Variants in TRIO observed in about 807,000 individuals in gnomAD.
The protein encoded by TRIO is trio Rho guanine nucleotide exchange factor.
In TRIO, 58 loss-of-function variants were observed where a neutral mutation model predicts 351.9. The observed-to-expected ratio is 0.16, with a 90% confidence interval of 0.13 to 0.21. The LOEUF is 0.21. TRIO is among the 10% of genes least tolerant of loss of function. TRIO has a pLI of 1.00. For synonymous variants in TRIO, 1,758 were observed against 1,595.7 expected, an observed-to-expected ratio of 1.10 and a Z score of -2.42; for missense variants, 3,201 against 4,027.8, an observed-to-expected ratio of 0.79 and a Z score of 5.56.
intron 44 of TRIO, 95 bp downstream of exon 44, chr5:14,481,379 G>C (rs1755500744): frequency 6.5e-7 from 1 of 1,539,758 alleles, no homozygotes; most frequent in African/African-American, 1.4e-5. Flanking sequence ...CCTGGGAGGG[G>C]GTCAAAGCAG....
chr5:14,317,939 C>T (rs565852575), intron 9 of TRIO, among the ~76,000 whole-genome samples: 1 of 152,200 alleles, frequency 6.6e-6, no homozygotes, highest in South Asian at 2.1e-4. Flanking sequence ...CGAGCCTGCC[C>T]AACATGGTGA....
intron 11 of TRIO, among the ~76,000 whole-genome samples, chr5:14,350,283 CTG>C (rs1158237204): frequency 7.2e-5 from 11 of 152,206 alleles, no homozygotes; most frequent in African/African-American, 2.2e-4. Flanking sequence ...CAGTGAGAGA[CTG>C]TGGCTGCTCT....
chr5:14,448,480 C>T (rs1053952342), intron 34 of TRIO, among the ~76,000 whole-genome samples: 1 of 152,252 alleles, frequency 6.6e-6, no homozygotes, highest in Admixed American at 6.5e-5. Context: ...TGCAGGGAAC[C>T]GGATCTCCCC....
chr5:14,149,248 CAAAG>C (rs1487877739), intron 1 of TRIO, among the ~76,000 whole-genome samples: 1 of 152,166 alleles, frequency 6.6e-6, no homozygotes, highest in Non-Finnish European at 1.5e-5. Flanking sequence ...TCGTAAATCT[CAAAG>C]AGAGATACCT....
rs866582262 is a variant in TRIO at position 14,382,431 on chromosome 5, C to T, written c.3570+1179C>T. On this transcript the variant is annotated intron_variant, in intron 21 of 56. Coordinates refer to ENST00000344204, the MANE Select transcript of TRIO (RefSeq NM_007118.4). Reference sequence around the variant, plus strand: ...AGGTGCTGGGCTCTCTCCTTTTCCACGGCTCCTATCCTGGAGGCTCACACA... The same window carrying T: ...AGGTGCTGGGCTCTCTCCTTTTCCATGGCTCCTATCCTGGAGGCTCACACA... Among the ~76,000 whole-genome samples, 5 of 152,328 alleles carry T rather than the reference C, an allele frequency of 3.3e-5. No homozygotes were observed. The East Asian group carries it at 9.6e-4, about 29-fold the overall frequency.
At chr5:14,314,420 A>C (rs142468421) in intron 8 of TRIO, among the ~76,000 whole-genome samples, 1 of 152,204 alleles carries the variant, frequency 6.6e-6, no homozygotes, top group African/African-American at 2.4e-5. Flanking sequence ...AGCAACTACA[A>C]CTGTAGCCTG....
chr5:14,458,892 C>T (rs557148236), intron 34 of TRIO, among the ~76,000 whole-genome samples: 1 of 152,184 alleles, frequency 6.6e-6, no homozygotes, highest in South Asian at 2.1e-4. Context: ...CCAGACCACA[C>T]CGAAGGAAAG....
At chr5:14,169,635 GTT>G (rs1447232564) in intron 1 of TRIO, among the ~76,000 whole-genome samples, 2 of 152,166 alleles carry the variant, frequency 1.3e-5, no homozygotes, top group Non-Finnish European at 2.9e-5. Flanking sequence ...AGTATAACTT[GTT>G]CACCCTTACT....
chr5:14,178,579 C>T (rs561553615), intron 1 of TRIO, among the ~76,000 whole-genome samples: 1 of 152,150 alleles, frequency 6.6e-6, no homozygotes, highest in Non-Finnish European at 1.5e-5. Context: ...TATTCTAGAA[C>T]AGTAGGGGTA....
rs1431966105 is a variant in TRIO, at chr5:14,209,761, G to GA, written c.158-61058dup. Reference sequence around the variant, plus strand: ...ATGCTTTAAAATGTACTCTAAGAAAGAAAAAACATTCAACAAAATTGACAG... The same window carrying GA: ...ATGCTTTAAAATGTACTCTAAGAAAGAAAAAAACATTCAACAAAATTGACAG... On this transcript the variant is annotated intron_variant, in intron 1 of 56. Transcript: ENST00000344204. Among the ~76,000 whole-genome samples, 12 of 152,290 alleles carry GA rather than the reference G, an allele frequency of 7.9e-5. No homozygotes were observed. In the East Asian group the frequency reaches 2.1e-3, roughly 27 times the overall value.
At chr5:14,432,177 C>T (rs1324427976) in intron 34 of TRIO, among the ~76,000 whole-genome samples, 1 of 152,194 alleles carries the variant, frequency 6.6e-6, no homozygotes, top group Non-Finnish European at 1.5e-5. Context: ...AAGATACCCT[C>T]ATGACAACGT....
intron 11 of TRIO, among the ~76,000 whole-genome samples, chr5:14,338,281 CA>C (rs1187649955): frequency 3.3e-5 from 5 of 152,190 alleles, no homozygotes; most frequent in African/African-American, 1.2e-4. Flanking sequence ...ATGTGGGGAG[CA>C]GCCTGATACC....
intron 7 of TRIO, among the ~76,000 whole-genome samples, chr5:14,304,153 T>A (rs1468627923): frequency 6.6e-6 from 1 of 151,990 alleles, no homozygotes; most frequent in African/African-American, 2.4e-5. Flanking sequence ...ACTGGGAGAA[T>A]TTACTAGAAT....
At position 14,494,814 on chromosome 5, in the gene TRIO, G is replaced by C. The variant is rs532153764; in HGVS notation, c.7880+2000G>C. On this transcript the variant is annotated intron_variant, in intron 49 of 56. Coordinates refer to ENST00000344204, the MANE Select transcript of TRIO (RefSeq NM_007118.4). Reference sequence around the variant, plus strand: ...CTTGGGAGGCTGAGACAGGAGAATTGCTTGAACCCTGGAGGCGGAGGTTGC... The same window carrying C: ...CTTGGGAGGCTGAGACAGGAGAATTCCTTGAACCCTGGAGGCGGAGGTTGC... Among the ~76,000 whole-genome samples the C allele has an allele frequency of 3.9e-5, 6 of 152,346 alleles. No individual in the cohort carries two copies. The East Asian group carries it at 1.2e-3, about 29-fold the overall frequency.
chr5:14,235,054 G>T (rs771810867), intron 1 of TRIO, among the ~76,000 whole-genome samples: 1 of 152,106 alleles, frequency 6.6e-6, no homozygotes, highest in African/African-American at 2.4e-5. Context: ...GAAGCTTTAA[G>T]AACATTTGTT....
intron 36 of TRIO, among the ~76,000 whole-genome samples, chr5:14,464,566 G>A (rs1754104349): frequency 6.6e-6 from 1 of 152,048 alleles, no homozygotes; most frequent in Non-Finnish European, 1.5e-5. Context: ...CTTTCCGTTT[G>A]AATTTTTTTC....
chr5:14,399,081 G>A lies in TRIO; in HGVS notation c.4614+11G>A, dbSNP rs1747849472. 1.2e-6 allele frequency: 2 copies of A among 1,611,778 alleles called. No homozygotes were observed. Among genetic ancestry groups the A allele is most frequent in the Non-Finnish European group, 1.7e-6 (2 of 1,177,892 alleles). ...AAAAGCAAATTGTTTGTAAGTATAG[G>A]CGTTCAGAATTGTAAGTCTAAAGGT... On this transcript the variant is annotated intron_variant, in intron 30 of 56. Transcript: ENST00000344204.
intron 33 of TRIO, among the ~76,000 whole-genome samples, chr5:14,409,728 G>T (rs552570995): frequency 1.3e-5 from 2 of 151,900 alleles, no homozygotes; most frequent in African/African-American, 4.8e-5. Context: ...CCAGCTACTC[G>T]GGAGGCTGAG....
chr5:14,159,942 T>C (rs1021853681), intron 1 of TRIO, among the ~76,000 whole-genome samples: 1 of 152,232 alleles, frequency 6.6e-6, no homozygotes, highest in Non-Finnish European at 1.5e-5. Context: ...GTTGTTAGAC[T>C]CTAAAACAGA....
Sources: gnomAD v4.1 joint callset for allele counts (sites outside exome capture counted in the v4.1 genomes callset) on GRCh38, gnomAD v4.1.1 for gene constraint, MANE v1.5 for transcripts, NCBI Gene and HGNC (gene_info 2026-07-23, HGNC 2026-07-21) for gene names.